Variants in JHY observed in about 807,000 individuals in gnomAD.
JHY encodes the protein jhy protein homolog.
In JHY, 69 loss-of-function variants were observed where a neutral mutation model predicts 78.0. That is an observed-to-expected ratio of 0.88 (90% CI 0.73 to 1.08). The LOEUF (loss-of-function observed/expected upper bound fraction) is 1.08, where lower values mean the gene tolerates loss of function less well. Among genes scored for constraint, JHY ranks in the 50% least tolerant of loss-of-function variants. The pLI, the probability that JHY is intolerant of heterozygous loss-of-function variation, is 0.00. For missense variants in JHY, 944 were observed against 927.8 expected, an observed-to-expected ratio of 1.02 and a Z score of -0.23; for synonymous variants, 368 against 342.6, an observed-to-expected ratio of 1.07 and a Z score of -0.82.
chr11:122,896,328 G>A (rs1439641105), intron 2 of JHY, among the ~76,000 whole-genome samples: 4 of 124,272 alleles, frequency 3.2e-5, no homozygotes, highest in African/African-American at 9.3e-5. Context: ...GGGCGACAGA[G>A]GAAGACTCTG....
intron 6 of JHY, among the ~76,000 whole-genome samples, chr11:122,951,530 G>GTGT (rs1864083079): frequency 6.6e-6 from 1 of 152,090 alleles, no homozygotes. Context: ...GTTTTTTGTC[G>GTGT]TGTTTTTCAG....
Position 122,902,388 on chromosome 11 carries a change from C to T in JHY, c.345-1537C>T, listed in dbSNP as rs575802759. Among the ~76,000 whole-genome samples, 5 of 151,996 alleles carry T rather than the reference C, an allele frequency of 3.3e-5. No homozygotes were observed. In the South Asian group the frequency reaches 1.0e-3, roughly 32 times the overall value. ...GCTGAGGCATGAGAATCACTTGAAC[C>T]TGGGAGGCAGAGGTTGCAGTGAGCC... is the stretch of plus-strand genomic sequence containing the variant. On this transcript the variant is annotated intron_variant, in intron 2 of 8. Transcript: ENST00000227349.
chr11:122,955,675 T>C (rs975732995), intron 6 of JHY, among the ~76,000 whole-genome samples: 2 of 152,214 alleles, frequency 1.3e-5, no homozygotes, highest in African/African-American at 4.8e-5. Context: ...ATGAGTTTCT[T>C]AGTGAGTCTT....
At chr11:122,903,132 A>G (rs1407010548) in intron 2 of JHY, among the ~76,000 whole-genome samples, 1 of 152,188 alleles carries the variant, frequency 6.6e-6, no homozygotes, top group African/African-American at 2.4e-5. Context: ...CCATTACAAT[A>G]TTGTAGGACC....
chr11:122,914,669 T>C (rs1565317849), intron 3 of JHY, among the ~76,000 whole-genome samples: 1 of 152,028 alleles, frequency 6.6e-6, no homozygotes, highest in East Asian at 1.9e-4. Context: ...GGTCTCGAAC[T>C]CCTGACCTCA....
chr11:122,957,562 T>G lies in JHY; in HGVS notation c.2139+71T>G, dbSNP rs565712309. The G allele has an allele frequency of 4.2e-6, 6 of 1,417,730 alleles. No homozygotes were observed. In the African/African-American group the frequency reaches 9.2e-5, roughly 22 times the overall value. The allele number at this position is 1,417,730 out of a possible 1,614,324, so 87.8% of individuals were successfully genotyped here. On this transcript the variant is annotated intron_variant, in intron 8 of 8. Coordinates refer to ENST00000227349, the MANE Select transcript of JHY (RefSeq NM_024806.4). ...AAGGAAACTTTTATTATCGCTTTTT[T>G]TTTTTTTTTTTAATTAGCCACAGAG...
At chr11:122,954,553 C>A (rs1864153158) in intron 6 of JHY, among the ~76,000 whole-genome samples, 1 of 152,174 alleles carries the variant, frequency 6.6e-6, no homozygotes, top group African/African-American at 2.4e-5. Context: ...TATTTTAAGT[C>A]TCTGGACGAC....
chr11:122,896,151 T>A (rs1016753608), intron 2 of JHY, among the ~76,000 whole-genome samples: 2 of 152,052 alleles, frequency 1.3e-5, no homozygotes, highest in African/African-American at 4.8e-5. Context: ...ACTCATTTAG[T>A]CTGGCGTGTT....
At chr11:122,953,474 C>T (rs912536670) in intron 6 of JHY, among the ~76,000 whole-genome samples, 6 of 151,572 alleles carry the variant, frequency 4.0e-5, no homozygotes, top group African/African-American at 1.5e-4. Flanking sequence ...TGGTGGCAGG[C>T]GCCTGTAATC....
chr11:122,896,014 T>A (rs185219321), intron 2 of JHY, among the ~76,000 whole-genome samples: 1 of 152,192 alleles, frequency 6.6e-6, no homozygotes, highest in Non-Finnish European at 1.5e-5. Flanking sequence ...TTTAAGATAG[T>A]CTTTTCAGGT....
intron 2 of JHY, among the ~76,000 whole-genome samples, chr11:122,891,643 A>T (rs1172611420): frequency 2.0e-5 from 3 of 152,124 alleles, no homozygotes; most frequent in Admixed American, 6.5e-5. Flanking sequence ...TAACAGGAAT[A>T]TTTATATAAT....
At chr11:122,926,152 C>T (rs11600696) in intron 4 of JHY, among the ~76,000 whole-genome samples, 18,548 of 140,676 alleles carry the variant, frequency 0.13, 1,661 homozygotes, top group African/African-American at 0.26. Context: ...TGTGCCACTG[C>T]ACTGCAGCCT....
intron 2 of JHY, among the ~76,000 whole-genome samples, chr11:122,902,186 G>T (rs1025471336): frequency 6.6e-6 from 1 of 152,206 alleles, no homozygotes; most frequent in South Asian, 2.1e-4. Context: ...GCTGGGGACG[G>T]TGGCTTGCAC....
At chr11:122,946,184 T>C (rs1339090892) in intron 5 of JHY, among the ~76,000 whole-genome samples, 1 of 152,224 alleles carries the variant, frequency 6.6e-6, no homozygotes, top group Non-Finnish European at 1.5e-5. Flanking sequence ...GTTTAAAGGA[T>C]GTTTAATGTA....
At chr11:122,958,139 A>G (rs1485540890) in intron 8 of JHY, among the ~76,000 whole-genome samples, 1 of 152,182 alleles carries the variant, frequency 6.6e-6, no homozygotes, top group East Asian at 1.9e-4. Context: ...TTCATGGAAT[A>G]CAGAATGTTC....
chr11:122,931,437 T>C (rs1863633700), intron 4 of JHY, among the ~76,000 whole-genome samples: 1 of 152,240 alleles, frequency 6.6e-6, no homozygotes. Flanking sequence ...CCTCCAACAC[T>C]ATCAATAGAT....
At chr11:122,890,647 G>GAC in intron 2 of JHY, among the ~76,000 whole-genome samples, 1 of 152,052 alleles carries the variant, frequency 6.6e-6, no homozygotes, top group Admixed American at 6.6e-5. Context: ...TTTAACCCTT[G>GAC]TTCTTACCAA....
chr11:122,900,051 C>T (rs756400224), intron 2 of JHY, among the ~76,000 whole-genome samples: 1 of 152,200 alleles, frequency 6.6e-6, no homozygotes, highest in Non-Finnish European at 1.5e-5. Flanking sequence ...GCAGGTGACC[C>T]TGCAGTGCAG....
intron 1 of JHY, among the ~76,000 whole-genome samples, chr11:122,885,085 C>A (rs1159908954): frequency 6.6e-6 from 1 of 151,602 alleles, no homozygotes; most frequent in Non-Finnish European, 1.5e-5. Context: ...GCTGGTATTA[C>A]AGGCGTGATT....
Sources: gnomAD v4.1 joint callset for allele counts (sites outside exome capture counted in the v4.1 genomes callset) on GRCh38, gnomAD v4.1.1 for gene constraint, MANE v1.5 for transcripts, NCBI Gene and HGNC (gene_info 2026-07-23, HGNC 2026-07-21) for gene names.